The following SYNE2 variants were observed in gnomAD, a reference collection of about 807,000 sequenced individuals.
SYNE2 encodes the protein nesprin-2.
In SYNE2, 431 loss-of-function variants were observed where a neutral mutation model predicts 856.3. That is an observed-to-expected ratio of 0.50 (90% CI 0.47 to 0.55). The LOEUF (loss-of-function observed/expected upper bound fraction) is 0.55. Ranked by LOEUF, SYNE2 falls within the 20% of genes least tolerant of loss-of-function variation. SYNE2 has a pLI of 0.00. For synonymous variants in SYNE2, 2,923 were observed against 2,872.3 expected (o/e 1.02, Z -0.56); for missense variants, 8,129 against 8,023.2 (o/e 1.01, Z -0.50).
At chr14:63,948,642 C>T (rs528943067) in intron 6 of SYNE2, among the ~76,000 whole-genome samples, 306 of 135,452 alleles carry the variant, frequency 2.3e-3, no homozygotes, top group African/African-American at 7.9e-3. Flanking sequence ...GCGTGGGCGA[C>T]GGAGCGAGAC....
intron 55 of SYNE2, among the ~76,000 whole-genome samples, chr14:64,080,072 C>T (rs1032675402): frequency 2.6e-5 from 4 of 151,568 alleles, no homozygotes; most frequent in South Asian, 2.1e-4. Flanking sequence ...TGTGCGCGTG[C>T]GTGTGTGTGT....
intron 3 of SYNE2, 121 bp downstream of exon 3, chr14:63,940,796 G>T (rs1456305811): frequency 2.4e-6 from 2 of 845,380 alleles, no homozygotes; most frequent in Non-Finnish European, 3.9e-6. Context: ...AAAGGTTGTG[G>T]AATGTCTTTT....
At chr14:64,215,487 G>A (rs913815010) in intron 107 of SYNE2, 133 bp downstream of exon 107, 2 of 904,122 alleles carry the variant, frequency 2.2e-6, no homozygotes, top group South Asian at 2.6e-5. Context: ...GTGTCATGGT[G>A]TATTTACACT....
At chr14:63,973,461 G>A (rs893836583) in intron 11 of SYNE2, among the ~76,000 whole-genome samples, 1 of 151,276 alleles carries the variant, frequency 6.6e-6, no homozygotes, top group African/African-American at 2.4e-5. Context: ...GTGAAACCTC[G>A]TCTCTACTAA....
At chr14:64,198,397 C>A (rs1487309674) in intron 99 of SYNE2, among the ~76,000 whole-genome samples, 1 of 152,208 alleles carries the variant, frequency 6.6e-6, no homozygotes, top group Non-Finnish European at 1.5e-5. Context: ...CAAATACTTC[C>A]TGACCTGGGA....
chr14:63,881,222 G>T (rs1193023363), intron 1 of SYNE2, among the ~76,000 whole-genome samples: 2 of 151,788 alleles, frequency 1.3e-5, no homozygotes, highest in Admixed American at 1.3e-4. Flanking sequence ...CAAGCAGTCT[G>T]CCCGCCTTGG....
At chr14:63,798,142 C>T (rs1207627709) in intron 1 of SYNE2, among the ~76,000 whole-genome samples, 1 of 152,184 alleles carries the variant, frequency 6.6e-6, no homozygotes, top group Non-Finnish European at 1.5e-5. Flanking sequence ...TGGGCTCAAG[C>T]AGTCATCCCA....
intron 2 of SYNE2, among the ~76,000 whole-genome samples, chr14:63,913,030 C>A (rs1201596719): frequency 6.6e-6 from 1 of 151,948 alleles, no homozygotes. Context: ...AACTCCTGGG[C>A]TCAAGTGATC....
Position 64,143,951 on chromosome 14 carries a change from G to A in SYNE2, c.15483+3G>A. On this transcript the variant is annotated splice_donor_region_variant and intron_variant, in intron 83 of 115. Transcript: ENST00000555002. ...TACATGGAATGCTGAATAGAAAGGTGTGTTCCTGCGTCACAACTGGATGTG... is the reference window on the plus strand; with the variant it reads ...TACATGGAATGCTGAATAGAAAGGTATGTTCCTGCGTCACAACTGGATGTG... The A allele has an allele frequency of 6.2e-7, 1 of 1,614,104 alleles. No homozygotes were observed. Among genetic ancestry groups the A allele is most frequent in the Non-Finnish European group, 8.5e-7 (1 of 1,179,988 alleles).
chr14:64,071,590 T>A (rs1445662598), intron 52 of SYNE2, among the ~76,000 whole-genome samples: 1 of 152,212 alleles, frequency 6.6e-6, no homozygotes, highest in Non-Finnish European at 1.5e-5. Context: ...CCAATCATTT[T>A]TTCTCCTTTT....
At chr14:64,014,970 T>TACACAC (rs1310338428) in intron 32 of SYNE2, among the ~76,000 whole-genome samples, 1 of 70,464 alleles carries the variant, frequency 1.4e-5, no homozygotes, top group South Asian at 4.2e-4. Context: ...TATATATATA[T>TACACAC]ATATACACAC....
In SYNE2 at chr14:64,218,491, G is replaced by A. The variant is rs199577239; in HGVS notation, c.19636G>A (p.Gly6546Ser). 272 of 1,613,946 alleles carry A rather than the reference G, an allele frequency of 1.7e-4. No homozygotes were observed. The highest frequency in any genetic ancestry group is 1.0e-3 in the South Asian group (93 of 91,064). The change falls in exon 109 of 116, where the codon GGT (glycine) becomes AGT (serine). Residue 6546 changes from glycine (G) to serine (S), a missense_variant. Gly to Ser is a moderately conservative substitution (Grantham distance 56). This residue lies in a region of SYNE2 where 5,410 missense variants were observed against 5,284.8 expected (regional missense o/e 1.02). Transcript: ENST00000555002. ...NPQQEDGGLA[G>S]ITEQQSGAFD... ...ACAGCAGGAAGACGGGGGACTGGCC[G>A]GTATCACAGAGCAGCAGTCAGGTAC...
rs192141168 is a variant in SYNE2 at position 64,079,071 on chromosome 14, C to T, written c.11163+465C>T. Among the ~76,000 whole-genome samples, 36 of 152,070 alleles carry T rather than the reference C, an allele frequency of 2.4e-4. No homozygotes were observed. The East Asian group carries it at 4.8e-3, about 20-fold the overall frequency. On this transcript the variant is annotated intron_variant, in intron 55 of 115. Transcript: ENST00000555002. ...TGGGTGACAGAGTGAGACTCTGTCT[C>T]AAAAAAATAATTCTGTTTTTCCATG...
intron 83 of SYNE2, among the ~76,000 whole-genome samples, chr14:64,145,645 A>G (rs1200303513): frequency 6.6e-6 from 1 of 152,192 alleles, no homozygotes; most frequent in Non-Finnish European, 1.5e-5. Flanking sequence ...ATTAAAGACA[A>G]TGATTATTTT....
intron 57 of SYNE2, among the ~76,000 whole-genome samples, chr14:64,086,278 A>G (rs1654569293): frequency 6.6e-6 from 1 of 152,200 alleles, no homozygotes; most frequent in Middle Eastern, 3.2e-3. Flanking sequence ...CCATTAAATT[A>G]CTTCGGCACT....
At chr14:63,769,513 A>T (rs928918330) in intron 1 of SYNE2, among the ~76,000 whole-genome samples, 15 of 151,946 alleles carry the variant, frequency 9.9e-5, no homozygotes, top group African/African-American at 3.6e-4. Flanking sequence ...TAAAAATACA[A>T]AAAAATTAGC....
At chr14:64,221,443 G>A (rs2098693530) in intron 111 of SYNE2, 133 bp from the exon 112 acceptor site, 2 of 1,533,228 alleles carry the variant, frequency 1.3e-6, no homozygotes, top group Non-Finnish European at 9.0e-7. Context: ...GTTTAAAGCT[G>A]GTCCTCGTAT....
At chr14:63,904,741 T>C (rs2153339290) in intron 1 of SYNE2, among the ~76,000 whole-genome samples, 1 of 152,254 alleles carries the variant, frequency 6.6e-6, no homozygotes, top group South Asian at 2.1e-4. Context: ...AGTTTGCAAA[T>C]GTTTTCTTCC....
chr14:64,041,533 T>A (rs567772912), intron 45 of SYNE2, among the ~76,000 whole-genome samples: 1 of 152,270 alleles, frequency 6.6e-6, no homozygotes, highest in East Asian at 1.9e-4. Flanking sequence ...AAGGCAGGAC[T>A]CGTATGTCCA....
Sources: gnomAD v4.1 joint callset for allele counts (sites outside exome capture counted in the v4.1 genomes callset) on GRCh38, gnomAD v4.1.1 for gene constraint, gnomAD v4.1.1 regional missense constraint, MANE v1.5 for transcripts, NCBI Gene and HGNC (gene_info 2026-07-23, HGNC 2026-07-21) for gene names.